The following PHACTR1 variants were observed in gnomAD, a reference collection of about 807,000 sequenced individuals.
PHACTR1 encodes phosphatase and actin regulator 1.
A neutral mutation model predicts 69.2 loss-of-function variants in PHACTR1; 16 were observed. That is an observed-to-expected ratio of 0.23 (90% CI 0.16 to 0.35). The LOEUF (loss-of-function observed/expected upper bound fraction) is 0.35, where lower values mean the gene tolerates loss of function less well. Ranked by LOEUF, PHACTR1 falls within the 10% of genes least tolerant of loss-of-function variation. The pLI, the probability that PHACTR1 is intolerant of heterozygous loss-of-function variation, is 1.00. For synonymous variants in PHACTR1, 312 were observed against 284.5 expected (o/e 1.10, Z -0.97); for missense variants, 510 against 734.7 (o/e 0.69, Z 3.54).
chr6:13,039,251 T>C (rs1009834468), intron 4 of PHACTR1, among the ~76,000 whole-genome samples: 20 of 152,216 alleles, frequency 1.3e-4, no homozygotes, highest in Non-Finnish European at 2.8e-4. Flanking sequence ...AAGTGTTTGA[T>C]AAATGATAGA....
intron 9 of PHACTR1, among the ~76,000 whole-genome samples, chr6:13,228,913 C>T (rs1770286626): frequency 6.6e-6 from 1 of 152,256 alleles, no homozygotes; most frequent in African/African-American, 2.4e-5. Flanking sequence ...AAAAGCACTA[C>T]TCAATCAAGC....
At chr6:13,231,259 AAAG>A (rs1180871051) in intron 10 of PHACTR1, among the ~76,000 whole-genome samples, 3 of 127,340 alleles carry the variant, frequency 2.4e-5, no homozygotes, top group African/African-American at 3.2e-5. Flanking sequence ...AAAGAGAAAG[AAAG>A]AAGGAAAGAG....
At chr6:12,856,438 A>C (rs1201277508) in intron 4 of PHACTR1, among the ~76,000 whole-genome samples, 1 of 151,960 alleles carries the variant, frequency 6.6e-6, no homozygotes, top group African/African-American at 2.4e-5. Context: ...TATTTTTAGT[A>C]GATGCGGTGT....
At chr6:12,792,147 A>G (rs1246216147) in intron 4 of PHACTR1, among the ~76,000 whole-genome samples, 1 of 152,110 alleles carries the variant, frequency 6.6e-6, no homozygotes, top group African/African-American at 2.4e-5. Context: ...TATCAATGCA[A>G]TTGCACCATA....
At position 13,053,328 on chromosome 6, in the gene PHACTR1, C is replaced by T. The variant is rs1194075253; in HGVS notation, c.251-37C>T. The T allele has an allele frequency of 1.5e-5, 23 of 1,547,762 alleles. No individual in the cohort carries two copies. In the Admixed American group the frequency reaches 2.4e-4, roughly 16 times the overall value. ...AGGCTCCCATTTTAACACTTTTTTT[C>T]TCTCTTTGTTTTCATCTCTTTCTTG... On this transcript the variant is annotated intron_variant, in intron 4 of 14. Transcript: ENST00000332995.
chr6:12,824,899 C>A (rs576530363), intron 4 of PHACTR1, among the ~76,000 whole-genome samples: 1 of 152,142 alleles, frequency 6.6e-6, no homozygotes, highest in Non-Finnish European at 1.5e-5. Flanking sequence ...CCACAGTGAC[C>A]TTGGGCAGGT....
chr6:12,783,582 T>A (rs1771101735), intron 4 of PHACTR1, among the ~76,000 whole-genome samples: 1 of 152,196 alleles, frequency 6.6e-6, no homozygotes, highest in South Asian at 2.1e-4. Context: ...AGGGAGCTTT[T>A]GATCAAATTG....
intron 4 of PHACTR1, among the ~76,000 whole-genome samples, chr6:12,750,855 G>T (rs1414077008): frequency 6.6e-6 from 1 of 152,120 alleles, no homozygotes; most frequent in Admixed American, 6.5e-5. Flanking sequence ...TATTATTCTA[G>T]CAACTATAAT....
chr6:13,230,333 CAT>C (rs1438880927), intron 10 of PHACTR1, 140 bp downstream of exon 10: 2 of 1,493,752 alleles, frequency 1.3e-6, no homozygotes, highest in Non-Finnish European at 1.8e-6. Context: ...AGGTGGATCA[CAT>C]GAGGTCAGGA....
intron 5 of PHACTR1, among the ~76,000 whole-genome samples, chr6:13,091,601 AT>A (rs1273274579): frequency 1.3e-5 from 2 of 152,080 alleles, no homozygotes; most frequent in Non-Finnish European, 2.9e-5. Flanking sequence ...TATTTCTATT[AT>A]TATTACATTG....
At chr6:13,021,470 T>C (rs747739294) in intron 4 of PHACTR1, among the ~76,000 whole-genome samples, 5 of 152,226 alleles carry the variant, frequency 3.3e-5, no homozygotes, top group Non-Finnish European at 7.3e-5. Flanking sequence ...TTGCTGAACA[T>C]GCCACTATAA....
intron 5 of PHACTR1, among the ~76,000 whole-genome samples, chr6:13,091,475 C>T (rs907860124): frequency 1.3e-5 from 2 of 152,174 alleles, no homozygotes; most frequent in Admixed American, 6.5e-5. Context: ...CTTAGAGCAG[C>T]GGTCCCCAGC....
At chr6:12,888,540 C>T (rs1171014867) in intron 4 of PHACTR1, among the ~76,000 whole-genome samples, 1 of 151,962 alleles carries the variant, frequency 6.6e-6, no homozygotes, top group Non-Finnish European at 1.5e-5. Context: ...TTTTTAAAAC[C>T]TCAAGTCATG....
chr6:13,172,488 A>G (rs1340519295), intron 6 of PHACTR1, among the ~76,000 whole-genome samples: 1 of 152,206 alleles, frequency 6.6e-6, no homozygotes, highest in African/African-American at 2.4e-5. Flanking sequence ...CAGGGGAAGC[A>G]GCCCAGACTC....
At chr6:13,045,127 A>T (rs185454934) in intron 4 of PHACTR1, among the ~76,000 whole-genome samples, 32 of 152,336 alleles carry the variant, frequency 2.1e-4, no homozygotes, top group Admixed American at 1.9e-3. Flanking sequence ...CATTGAGGAG[A>T]CATTCTTGCA....
intron 10 of PHACTR1, among the ~76,000 whole-genome samples, chr6:13,247,610 T>C (rs1773764576): frequency 6.6e-6 from 1 of 152,168 alleles, no homozygotes; most frequent in African/African-American, 2.4e-5. Context: ...CCTCCCAAAG[T>C]GCTGGGATTA....
chr6:12,884,131 C>T (rs1041400040), intron 4 of PHACTR1, among the ~76,000 whole-genome samples: 11 of 152,000 alleles, frequency 7.2e-5, no homozygotes, highest in African/African-American at 2.7e-4. Flanking sequence ...TACACACATG[C>T]ATACATATAC....
chr6:12,849,054 A>G lies in PHACTR1; in HGVS notation c.250+99264A>G, dbSNP rs559838567. 9.9e-5 allele frequency among the ~76,000 whole-genome samples: 15 copies of G among 152,238 alleles called. No homozygotes were observed. In the East Asian group the frequency reaches 1.9e-3, roughly 20 times the overall value. On this transcript the variant is annotated intron_variant, in intron 4 of 14. Coordinates refer to ENST00000332995, the MANE Select transcript of PHACTR1 (RefSeq NM_030948.6). The stretch of plus-strand genomic sequence containing the variant: ...CAAATGACTTTGCAGATGGCACCTG[A>G]TTCATCTCACAGTGCAAATTCTCTA...
chr6:12,846,336 C>T (rs1019423435), intron 4 of PHACTR1, among the ~76,000 whole-genome samples: 9 of 152,080 alleles, frequency 5.9e-5, no homozygotes, highest in Non-Finnish European at 1.2e-4. Flanking sequence ...AAGTTGGTAC[C>T]AACACATGTC....
Sources: allele counts gnomAD v4.1 joint callset (sites outside exome capture counted in the v4.1 genomes callset), GRCh38; gene constraint gnomAD v4.1.1; transcripts MANE v1.5; gene names NCBI Gene and HGNC (gene_info 2026-07-23, HGNC 2026-07-21).